LRRIQ1: variants seen among roughly 807,000 people sequenced by gnomAD.
The protein encoded by LRRIQ1 is leucine rich repeats and IQ motif containing 1, also known as leucine-rich repeat- and IQ domain-containing protein 1.
LRRIQ1 carries 210 observed loss-of-function variants against 211.9 expected under a neutral mutation model. That is an observed-to-expected ratio of 0.99 (90% CI 0.89 to 1.11). The LOEUF is 1.11. Ranked by LOEUF, LRRIQ1 falls within the 50% of genes most tolerant of loss-of-function variation. LRRIQ1 has a pLI of 0.00. For missense variants in LRRIQ1, 2,136 were observed against 1,939.5 expected (o/e 1.10, Z -1.90); for synonymous variants, 699 against 650.1 (o/e 1.08, Z -1.14).
chr12:85,214,261 CT>C (rs1186310389), intron 24 of LRRIQ1, among the ~76,000 whole-genome samples: 3 of 151,890 alleles, frequency 2.0e-5, no homozygotes, highest in Non-Finnish European at 4.4e-5. Flanking sequence ...AATTGGAAGA[CT>C]AAATATTAAA....
At chr12:85,171,272 A>G (rs1020952553) in intron 24 of LRRIQ1, among the ~76,000 whole-genome samples, 4 of 152,196 alleles carry the variant, frequency 2.6e-5, no homozygotes, top group Non-Finnish European at 5.9e-5. Flanking sequence ...AACTGAAGAG[A>G]TAATTATCAA....
chr12:85,048,816 A>C (rs557902966), intron 6 of LRRIQ1, among the ~76,000 whole-genome samples: 1 of 152,256 alleles, frequency 6.6e-6, no homozygotes, highest in African/African-American at 2.4e-5. Context: ...TAAAATACAT[A>C]ATTGCTATTA....
chr12:85,078,209 T>G (rs1883882435), intron 11 of LRRIQ1, among the ~76,000 whole-genome samples: 1 of 152,126 alleles, frequency 6.6e-6, no homozygotes, highest in African/African-American at 2.4e-5. Flanking sequence ...CACCACAAAT[T>G]TATAGTTTTA....
chr12:85,062,222 C>T (rs187291974), intron 8 of LRRIQ1, among the ~76,000 whole-genome samples: 1 of 151,754 alleles, frequency 6.6e-6, no homozygotes, highest in African/African-American at 2.4e-5. Flanking sequence ...ACTTTAAGTT[C>T]AAGGGTACAA....
chr12:85,231,548 C>T (rs901428384), intron 25 of LRRIQ1, among the ~76,000 whole-genome samples: 2 of 152,034 alleles, frequency 1.3e-5, no homozygotes, highest in African/African-American at 4.8e-5. Context: ...GTTTAGTTAG[C>T]TCATGGTTCT....
At chr12:85,081,830 T>G (rs1356016167) in intron 11 of LRRIQ1, among the ~76,000 whole-genome samples, 1 of 151,190 alleles carries the variant, frequency 6.6e-6, no homozygotes, top group Non-Finnish European at 1.5e-5. Context: ...TTCAGGCTAT[T>G]GTGCCTCAGC....
chr12:85,096,877 A>G (rs1460061337), intron 11 of LRRIQ1, among the ~76,000 whole-genome samples: 3 of 152,116 alleles, frequency 2.0e-5, no homozygotes, highest in African/African-American at 7.2e-5. Flanking sequence ...TAATTATGTC[A>G]TCTTGTTGGA....
intron 11 of LRRIQ1, among the ~76,000 whole-genome samples, chr12:85,093,862 G>A (rs746717268): frequency 3.9e-5 from 6 of 152,130 alleles, no homozygotes; most frequent in African/African-American, 1.2e-4. Flanking sequence ...CTGCATCATT[G>A]CCTATCTCAG....
chr12:85,156,958 C>G (rs1448362347), intron 23 of LRRIQ1, among the ~76,000 whole-genome samples: 1 of 151,864 alleles, frequency 6.6e-6, no homozygotes, highest in Non-Finnish European at 1.5e-5. Flanking sequence ...CAAATTTCTG[C>G]CACAGAAAAC....
chr12:85,246,257 T>G (rs1446663610), downstream of LRRIQ1, among the ~76,000 whole-genome samples: 1 of 151,208 alleles, frequency 6.6e-6, no homozygotes, highest in Admixed American at 6.6e-5. Context: ...AAGTTTAAAT[T>G]ATTCACCTAA....
At chr12:85,091,585 T>A (rs925600162) in intron 11 of LRRIQ1, among the ~76,000 whole-genome samples, 2 of 152,328 alleles carry the variant, frequency 1.3e-5, no homozygotes, top group East Asian at 1.9e-4. Flanking sequence ...ACAAGGCTGA[T>A]ATCCAGCATG....
intron 11 of LRRIQ1, among the ~76,000 whole-genome samples, chr12:85,098,131 TGATA>T (rs1276327225): frequency 1.3e-5 from 2 of 152,158 alleles, no homozygotes; most frequent in East Asian, 1.9e-4. Context: ...AATTTTTAAT[TGATA>T]GATAATTATG....
At chr12:85,139,883 G>T (rs1889397069) in intron 19 of LRRIQ1, among the ~76,000 whole-genome samples, 1 of 151,194 alleles carries the variant, frequency 6.6e-6, no homozygotes, top group African/African-American at 2.4e-5. Flanking sequence ...TGATATTTGG[G>T]TAGTATAATT....
Position 85,232,766 on chromosome 12 carries a change from G to T in LRRIQ1, c.5016+10G>T, listed in dbSNP as rs1433277665. 10 of 1,606,412 alleles carry T rather than the reference G, an allele frequency of 6.2e-6. No individual in the cohort carries two copies. In the African/African-American group the frequency reaches 1.1e-4, roughly 17 times the overall value. ...AAGAGTTCAGCTTGTGGTAAGAAATGTGCTTAAAGTTACAGAAAAATGTTG... is the reference window on the plus strand; with the variant it reads ...AAGAGTTCAGCTTGTGGTAAGAAATTTGCTTAAAGTTACAGAAAAATGTTG... On this transcript the variant is annotated intron_variant, in intron 26 of 26. Coordinates refer to ENST00000393217, the MANE Select transcript of LRRIQ1 (RefSeq NM_001079910.2).
chr12:85,180,188 A>G (rs533644477), intron 24 of LRRIQ1, among the ~76,000 whole-genome samples: 62 of 152,042 alleles, frequency 4.1e-4, no homozygotes, highest in Middle Eastern at 3.4e-3. Flanking sequence ...GAATTTATTT[A>G]ATCATTTCCT....
intron 24 of LRRIQ1, among the ~76,000 whole-genome samples, chr12:85,226,506 T>G (rs1455443339): frequency 6.6e-6 from 1 of 151,910 alleles, no homozygotes; most frequent in Non-Finnish European, 1.5e-5. Flanking sequence ...TTATAACTTT[T>G]GTATAATTAT....
chr12:85,248,128 C>T (rs932627100), downstream of LRRIQ1, among the ~76,000 whole-genome samples: 3 of 151,446 alleles, frequency 2.0e-5, no homozygotes, highest in Admixed American at 6.6e-5. Flanking sequence ...TTAAAGTATG[C>T]ATTGCAATAT....
At chr12:85,071,759 G>A (rs1299786975) in intron 10 of LRRIQ1, among the ~76,000 whole-genome samples, 1 of 151,980 alleles carries the variant, frequency 6.6e-6, no homozygotes, top group Non-Finnish European at 1.5e-5. Context: ...CTTACATGGT[G>A]GCAGGCCAAA....
At chr12:85,267,257 A>G (rs1397362908), downstream of LRRIQ1, among the ~76,000 whole-genome samples, 1 of 152,068 alleles carries the variant, frequency 6.6e-6, no homozygotes, top group Non-Finnish European at 1.5e-5. Context: ...TAGAAATGTA[A>G]AAATAAATTG....
Sources: gnomAD v4.1 joint callset for allele counts (sites outside exome capture counted in the v4.1 genomes callset) on GRCh38, gnomAD v4.1.1 for gene constraint, MANE v1.5 for transcripts, NCBI Gene and HGNC (gene_info 2026-07-23, HGNC 2026-07-21) for gene names.